The following DYSF variants were observed in gnomAD, a reference collection of about 807,000 sequenced individuals.
DYSF encodes dysferlin.
DYSF carries 212 observed loss-of-function variants against 274.9 expected under a neutral mutation model. The observed-to-expected ratio is 0.77, with a 90% CI of 0.69 to 0.86. DYSF has a LOEUF of 0.86. Ranked by LOEUF, DYSF falls within the 40% of genes least tolerant of loss-of-function variation. DYSF has a pLI of 0.00. For synonymous variants in DYSF, 1,091 were observed against 1,078.7 expected, an observed-to-expected ratio of 1.01 and a Z score of -0.22; for missense variants, 2,666 against 2,783.2, an observed-to-expected ratio of 0.96 and a Z score of 0.95.
rs57453788 is a variant in DYSF, at chr2:71,559,777, T to A, written c.2217-1975T>A. Among the ~76,000 whole-genome samples the A allele has an allele frequency of 7.7e-3, 1,168 of 152,280 alleles. 27 individuals carry two copies. Among genetic ancestry groups the A allele is most frequent in the African/African-American group, 0.026 (1,092 of 41,558 alleles). On this transcript the variant is annotated intron_variant, in intron 22 of 55. Transcript: ENST00000410020. Reference sequence around the variant, plus strand: ...GCTCCTGACTCTGAGGCTGCTCAGGTGGGGATCTGTTTGCGTCTCTGTTCT... The same window carrying A: ...GCTCCTGACTCTGAGGCTGCTCAGGAGGGGATCTGTTTGCGTCTCTGTTCT...
chr2:71,499,636 G>A (rs1208633880), intron 3 of DYSF, among the ~76,000 whole-genome samples: 1 of 152,128 alleles, frequency 6.6e-6, no homozygotes, highest in Admixed American at 6.5e-5. Context: ...CTTTTTCTAC[G>A]GAGGAAAAGC....
At chr2:71,640,283 A>C (rs1027522595) in intron 41 of DYSF, among the ~76,000 whole-genome samples, 4 of 152,254 alleles carry the variant, frequency 2.6e-5, no homozygotes, top group African/African-American at 9.6e-5. Flanking sequence ...ATTCTTTATA[A>C]TGCTAAGAAA....
intron 29 of DYSF, among the ~76,000 whole-genome samples, chr2:71,571,857 C>G (rs373045557): frequency 0.04 from 4,434 of 111,356 alleles, 73 homozygotes; most frequent in African/African-American, 0.084. Flanking sequence ...ATCACACCCA[C>G]CACACACAGA....
rs114591727 is a variant in DYSF at position 71,673,591 on chromosome 2, G to C, written c.5785-606G>C. On this transcript the variant is annotated intron_variant, in intron 51 of 55. Transcript: ENST00000410020. ...GATCCTTCTATGACAGCCAGGGTAG[G>C]GTGGGGTCCCTCAGGGTCTCAGTTA... Among the ~76,000 whole-genome samples the C allele has an allele frequency of 8.6e-3, 1,314 of 152,210 alleles. 21 individuals are homozygous for C. Among genetic ancestry groups the C allele is most frequent in the African/African-American group, 0.031 (1,280 of 41,552 alleles).
chr2:71,487,612 G>A (rs2083466305), intron 3 of DYSF, among the ~76,000 whole-genome samples: 1 of 152,292 alleles, frequency 6.6e-6, no homozygotes, highest in African/African-American at 2.4e-5. Context: ...AGGTTCAAGC[G>A]ATTCTCCTGT....
chr2:71,513,652 CCAGGGG>C, intron 6 of DYSF, 58 bp from the exon 7 acceptor site: 5 of 1,575,044 alleles, frequency 3.2e-6, no homozygotes, highest in Non-Finnish European at 2.6e-6. Context: ...GGGCTGGGTC[CCAGGGG>C]CAGGGGCAGG....
chr2:71,486,331 C>T (rs1452260503), intron 3 of DYSF, among the ~76,000 whole-genome samples: 1 of 150,676 alleles, frequency 6.6e-6, no homozygotes, highest in Non-Finnish European at 1.5e-5. Flanking sequence ...TTCTAGATTT[C>T]CCCTCAGGCC....
intron 51 of DYSF, among the ~76,000 whole-genome samples, chr2:71,671,738 G>A (rs747704100): frequency 2.6e-5 from 4 of 152,184 alleles, no homozygotes; most frequent in Non-Finnish European, 5.9e-5. Flanking sequence ...CAGTTCTGGG[G>A]ACCCAGTTGT....
chr2:71,632,117 A>C (rs1258668972), intron 41 of DYSF, among the ~76,000 whole-genome samples: 2 of 152,272 alleles, frequency 1.3e-5, no homozygotes, highest in African/African-American at 4.8e-5. Context: ...ACTGTCTCTG[A>C]GGTCTAACTT....
rs569470897 is a variant in DYSF at position 71,665,435 on chromosome 2, G to A, written c.5317+131G>A. On this transcript the variant is annotated intron_variant, in intron 47 of 55. Transcript: ENST00000410020. ...GCAGCAGGCTGTGGGTCTCTCCAGG[G>A]CAGCACAGATGGGCTCCACTTGCAC... 1.3e-4 allele frequency: 153 copies of A among 1,187,488 alleles called. 1 individual carries two copies. The African/African-American group carries it at 2.1e-3, about 16-fold the overall frequency. The allele number at this position is 1,187,488 out of a possible 1,614,324, so 73.6% of individuals were successfully genotyped here.
At position 71,553,890 on chromosome 2, in the gene DYSF, A is replaced by T. The variant is rs367901920; in HGVS notation, c.2068A>T (p.Ile690Phe). ...SSYWEDISHR[I>F]ETQNQLLGIA... ...CTACTGGGAGGACATCAGCCATAGA[A>T]TCGAGACTCAGAACCAGCTGCTTGG... The change falls in exon 21 of 56, where the codon ATC (isoleucine) becomes TTC (phenylalanine). Residue 690 changes from isoleucine (I) to phenylalanine (F), a missense_variant. Transcript: ENST00000410020. 28 of 1,614,024 alleles carry T rather than the reference A, an allele frequency of 1.7e-5. No individual in the cohort carries two copies. In the African/African-American group the frequency reaches 3.5e-4, roughly 20 times the overall value.
At chr2:71,649,335 T>A (rs2094617821) in intron 42 of DYSF, among the ~76,000 whole-genome samples, 1 of 152,024 alleles carries the variant, frequency 6.6e-6, no homozygotes, top group African/African-American at 2.4e-5. Flanking sequence ...ATGATTGACA[T>A]ATGATAAAAT....
At position 71,561,766 on chromosome 2, in the gene DYSF, A is replaced by T. The variant is rs552533697; in HGVS notation, c.2231A>T (p.Asp744Val). Residue 744 changes from aspartate (D) to valine (V), a missense_variant, in exon 23 of 56, where the codon GAC (aspartate) becomes GTC (valine). This residue lies in a region of DYSF where 412 missense variants were observed against 504.0 expected (regional missense o/e 0.82). Coordinates refer to ENST00000410020, the MANE Select transcript of DYSF (RefSeq NM_001130987.2). ...LIAGCSQPLG[D>V]IHETPSATHL... Reference sequence around the variant, plus strand: ...GTCCCTCACAGCCAGCCTCTGGGTGACATCCATGAGACACCCTCTGCCACC... The same window carrying T: ...GTCCCTCACAGCCAGCCTCTGGGTGTCATCCATGAGACACCCTCTGCCACC... 8 of 1,614,094 alleles carry T rather than the reference A, an allele frequency of 5.0e-6. No homozygotes were observed. In the African/African-American group the frequency reaches 1.1e-4, roughly 22 times the overall value.
intron 42 of DYSF, among the ~76,000 whole-genome samples, chr2:71,653,906 A>G (rs2094718016): frequency 6.6e-6 from 1 of 152,000 alleles, no homozygotes; most frequent in Non-Finnish European, 1.5e-5. Flanking sequence ...CGTAACCATA[A>G]ATATAACATA....
chr2:71,467,662 G>T (rs2081633844), intron 1 of DYSF, among the ~76,000 whole-genome samples: 1 of 152,140 alleles, frequency 6.6e-6, no homozygotes, highest in South Asian at 2.1e-4. Flanking sequence ...GAGGGGAAAG[G>T]GAAGAGGAAG....
intron 29 of DYSF, among the ~76,000 whole-genome samples, chr2:71,572,054 C>T (rs1480705202): frequency 2.9e-5 from 4 of 140,306 alleles, no homozygotes; most frequent in Non-Finnish European, 6.2e-5. Context: ...CAGATCACAC[C>T]CAGCACACAC....
intron 55 of DYSF, among the ~76,000 whole-genome samples, chr2:71,683,467 T>A (rs537300160): frequency 1.2e-4 from 19 of 152,300 alleles, no homozygotes; most frequent in African/African-American, 4.6e-4. Flanking sequence ...TTGAAGGGGT[T>A]GCAGCATTCT....
chr2:71,454,170 A>C (rs2080954353), intron 1 of DYSF: 7 of 1,335,206 alleles, frequency 5.2e-6, no homozygotes, highest in Non-Finnish European at 7.4e-6. Flanking sequence ...GAGAGCACCT[A>C]GAGCTGAGAG....
At chr2:71,598,527 G>A (rs777710223) in intron 32 of DYSF, 37 bp from the exon 33 acceptor site, 1 of 1,613,008 alleles carries the variant, frequency 6.2e-7, no homozygotes, top group South Asian at 1.1e-5. Flanking sequence ...GGTCCCTGCT[G>A]TGTCCTGTCT....
Sources: allele counts gnomAD v4.1 joint callset (sites outside exome capture counted in the v4.1 genomes callset), GRCh38; gene constraint gnomAD v4.1.1; regional missense constraint gnomAD v4.1.1; transcripts MANE v1.5; gene names NCBI Gene and HGNC (gene_info 2026-07-23, HGNC 2026-07-21).